CADPS2: variants seen among roughly 807,000 people sequenced by gnomAD.
CADPS2 encodes the protein calcium dependent secretion activator 2, also known as calcium-dependent secretion activator 2.
A neutral mutation model predicts 172.5 loss-of-function variants in CADPS2; 93 were observed. That is an observed-to-expected ratio of 0.54 (90% CI 0.46 to 0.64). The LOEUF (loss-of-function observed/expected upper bound fraction) is 0.64. CADPS2 is among the 30% of genes least tolerant of loss of function. The pLI is 0.00. For missense variants in CADPS2, 1,420 were observed against 1,565.9 expected (o/e 0.91, Z 1.57); for synonymous variants, 546 against 555.2 (o/e 0.98, Z 0.23).
At chr7:122,828,380 T>C (rs1388504762) in intron 1 of CADPS2, among the ~76,000 whole-genome samples, 1 of 152,126 alleles carries the variant, frequency 6.6e-6, no homozygotes, top group African/African-American at 2.4e-5. Context: ...CTCTGTTTTT[T>C]GTAAGCTTAG....
chr7:122,723,130 C>G, intron 2 of CADPS2, among the ~76,000 whole-genome samples: 1 of 152,126 alleles, frequency 6.6e-6, no homozygotes, highest in African/African-American at 2.4e-5. Context: ...GCAAGGACTT[C>G]ATGTCTAAAA....
chr7:122,691,181 C>T (rs148163751), intron 2 of CADPS2, among the ~76,000 whole-genome samples: 95 of 152,240 alleles, frequency 6.2e-4, no homozygotes, highest in Middle Eastern at 3.4e-3. Flanking sequence ...TCAGGTAAGT[C>T]GTCCATATGA....
chr7:122,487,542 T>C (rs2057942402), intron 11 of CADPS2, among the ~76,000 whole-genome samples: 1 of 152,026 alleles, frequency 6.6e-6, no homozygotes, highest in African/African-American at 2.4e-5. Context: ...CACATGAAAA[T>C]AGCATTTCTC....
At chr7:122,636,622 T>C (rs983629235) in intron 3 of CADPS2, among the ~76,000 whole-genome samples, 1 of 151,996 alleles carries the variant, frequency 6.6e-6, no homozygotes, top group Non-Finnish European at 1.5e-5. Context: ...CACATCACCA[T>C]GCCAAGCTAA....
At chr7:122,592,048 G>A (rs890950369) in intron 6 of CADPS2, among the ~76,000 whole-genome samples, 1 of 152,048 alleles carries the variant, frequency 6.6e-6, no homozygotes, top group Non-Finnish European at 1.5e-5. Flanking sequence ...GAGTGAACAG[G>A]CAACCTACAG....
At chr7:122,368,897 T>C (rs2041335743) in intron 25 of CADPS2, among the ~76,000 whole-genome samples, 1 of 152,072 alleles carries the variant, frequency 6.6e-6, no homozygotes, top group Non-Finnish European at 1.5e-5. Context: ...ACCCCCACTT[T>C]TTTTGATGAG....
At chr7:122,452,891 A>ATG (rs1317999293) in intron 14 of CADPS2, among the ~76,000 whole-genome samples, 1 of 152,118 alleles carries the variant, frequency 6.6e-6, no homozygotes, top group Non-Finnish European at 1.5e-5. Context: ...AATCATATGT[A>ATG]TGTGTGTGTG....
At chr7:122,857,243 A>G (rs933741058) in intron 1 of CADPS2, among the ~76,000 whole-genome samples, 2 of 152,206 alleles carry the variant, frequency 1.3e-5, no homozygotes, top group Admixed American at 6.5e-5. Flanking sequence ...ATGGCTGGTC[A>G]TATCACACAT....
intron 14 of CADPS2, among the ~76,000 whole-genome samples, chr7:122,467,718 G>A (rs891330117): frequency 6.6e-6 from 1 of 152,122 alleles, no homozygotes; most frequent in Non-Finnish European, 1.5e-5. Context: ...GCCATTTTGT[G>A]TTGCTGCTTC....
chr7:122,435,722 A>G (rs1321770212), intron 17 of CADPS2, among the ~76,000 whole-genome samples: 1 of 152,154 alleles, frequency 6.6e-6, no homozygotes, highest in African/African-American at 2.4e-5. Context: ...CTGCTCTCCC[A>G]TGTTCATTGC....
At chr7:122,466,845 C>G (rs1242979671) in intron 14 of CADPS2, among the ~76,000 whole-genome samples, 1 of 152,102 alleles carries the variant, frequency 6.6e-6, no homozygotes, top group Non-Finnish European at 1.5e-5. Context: ...AGTAGAGGAG[C>G]CAGAACAGGA....
At chr7:122,708,938 C>T (rs1029114045) in intron 2 of CADPS2, among the ~76,000 whole-genome samples, 1 of 151,632 alleles carries the variant, frequency 6.6e-6, no homozygotes, top group Non-Finnish European at 1.5e-5. Context: ...AATATTTGGC[C>T]GTAGTATAAT....
intron 7 of CADPS2, among the ~76,000 whole-genome samples, chr7:122,575,624 A>G (rs2067929472): frequency 6.6e-6 from 1 of 151,916 alleles, no homozygotes; most frequent in East Asian, 1.9e-4. Context: ...TTTAATAGAG[A>G]TGAGGTTTCA....
At chr7:122,493,604 G>A (rs1270469450) in intron 9 of CADPS2, among the ~76,000 whole-genome samples, 2 of 152,100 alleles carry the variant, frequency 1.3e-5, no homozygotes, top group African/African-American at 4.8e-5. Flanking sequence ...AACTGGTGTG[G>A]ACTTTCTGGA....
chr7:122,642,925 CTT>C (rs145569378), intron 3 of CADPS2, among the ~76,000 whole-genome samples: 2,330 of 152,200 alleles, frequency 0.015, 65 homozygotes, highest in African/African-American at 0.051. Flanking sequence ...GAATTGCACT[CTT>C]TTGTTTTCTT....
intron 9 of CADPS2, among the ~76,000 whole-genome samples, chr7:122,504,999 A>G (rs2059504156): frequency 6.6e-6 from 1 of 152,226 alleles, no homozygotes; most frequent in Non-Finnish European, 1.5e-5. Context: ...GTAGTTTTAG[A>G]TACTAAATTT....
intron 8 of CADPS2, among the ~76,000 whole-genome samples, chr7:122,539,774 T>A (rs1344334526): frequency 1.3e-5 from 2 of 152,008 alleles, no homozygotes; most frequent in African/African-American, 2.4e-5. Context: ...TCTGTCTCTC[T>A]CTTTCTGTTT....
At chr7:122,530,289 A>C (rs1166933001) in intron 8 of CADPS2, among the ~76,000 whole-genome samples, 3 of 151,900 alleles carry the variant, frequency 2.0e-5, no homozygotes, top group Non-Finnish European at 4.4e-5. Flanking sequence ...GAAATAAGAA[A>C]AGGTTTCCAC....
At position 122,491,429 on chromosome 7, in the gene CADPS2, G is replaced by GAAA; in HGVS notation, c.1543-12_1543-10dup. 6.7e-7 allele frequency: 1 copy of GAAA among 1,499,718 alleles called. No homozygotes were observed. Among genetic ancestry groups the GAAA allele is most frequent in the Non-Finnish European group, 9.0e-7 (1 of 1,108,814 alleles). 92.9% of individuals were successfully genotyped at this position (1,499,718 alleles called of 1,614,324 possible). The stretch of plus-strand genomic sequence containing the variant: ...AAGGTATATTGGCTAACCTGCTCGA[G>GAAA]AAAAAAAAAGTTTACAGATTAGTCA... On this transcript the variant is annotated splice_polypyrimidine_tract_variant and intron_variant, in intron 9 of 29. Coordinates refer to ENST00000449022, the MANE Select transcript of CADPS2 (RefSeq NM_017954.11).
Sources: gnomAD v4.1 joint callset for allele counts (sites outside exome capture counted in the v4.1 genomes callset) on GRCh38, gnomAD v4.1.1 for gene constraint, MANE v1.5 for transcripts, NCBI Gene and HGNC (gene_info 2026-07-23, HGNC 2026-07-21) for gene names.